The following AFF4 variants were observed in gnomAD, a reference collection of about 807,000 sequenced individuals.
AFF4 encodes the protein AF4/FMR2 family member 4.
In AFF4, 13 loss-of-function variants were observed where a neutral mutation model predicts 124.8. The ratio of observed to expected loss-of-function variants is 0.10; its 90% confidence interval spans 0.07 to 0.17. AFF4 has a LOEUF of 0.17. AFF4 is among the 10% of genes least tolerant of loss of function. The probability of loss-of-function intolerance (pLI) is 1.00; values close to 1 mark genes in which losing one functional copy is unlikely to be tolerated. For missense variants in AFF4, 1,092 were observed against 1,403.8 expected (o/e 0.78, Z 3.55); for synonymous variants, 477 against 496.1 (o/e 0.96, Z 0.51).
chr5:132,919,525 T>A (rs1760990630), intron 5 of AFF4, among the ~76,000 whole-genome samples: 1 of 152,108 alleles, frequency 6.6e-6, no homozygotes, highest in African/African-American at 2.4e-5. Flanking sequence ...AGATAAATCA[T>A]AGATCTAAAT....
chr5:132,924,063 G>A lies in AFF4; in HGVS notation c.1050+3058C>T, dbSNP rs181682217. The stretch of plus-strand genomic sequence containing the variant: ...GAGGTCGGGAGTTTGAGACCAGCCT[G>A]ACCAGCATGATGAAACCCCGTCTCT... On this transcript the variant is annotated intron_variant, in intron 5 of 20. Transcript: ENST00000265343. 4.4e-3 allele frequency among the ~76,000 whole-genome samples: 669 copies of A among 152,208 alleles called. 5 individuals carry two copies. Among genetic ancestry groups the A allele is most frequent in the Non-Finnish European group, 7.2e-3 (487 of 68,018 alleles).
intron 13 of AFF4, among the ~76,000 whole-genome samples, chr5:132,890,977 C>A (rs12163971): frequency 0.12 from 17,462 of 151,212 alleles, 1,268 homozygotes; most frequent in South Asian, 0.2. Context: ...AGCAGGAGAG[C>A]TCACTTATTT....
intron 5 of AFF4, among the ~76,000 whole-genome samples, chr5:132,912,121 G>C (rs1431878481): frequency 6.6e-6 from 1 of 150,542 alleles, no homozygotes; most frequent in African/African-American, 2.5e-5. Context: ...GGGAGGTGGA[G>C]GTTGGCGGAT....
At position 132,880,952 on chromosome 5, in the gene AFF4, C is replaced by G. The variant is rs139233793; in HGVS notation, c.*107G>C. 53 of 1,392,996 alleles carry G rather than the reference C, an allele frequency of 3.8e-5. No individual in the cohort carries two copies. In the East Asian group the frequency reaches 1.2e-3, roughly 31 times the overall value. 86.3% of individuals were successfully genotyped at this position (1,392,996 alleles called of 1,614,324 possible). On this transcript the variant is annotated 3_prime_UTR_variant, in exon 21 of 21. Coordinates refer to ENST00000265343, the MANE Select transcript of AFF4 (RefSeq NM_014423.4). Reference sequence around the variant, plus strand: ...AACACATGAACCAACGAGGAGAAAACTATTCCTCATTCTTAGTGTCGACTA... The same window carrying G: ...AACACATGAACCAACGAGGAGAAAAGTATTCCTCATTCTTAGTGTCGACTA...
At chr5:132,954,546 C>CTTTTTTT (rs1204231856) in intron 1 of AFF4, among the ~76,000 whole-genome samples, 9,892 of 121,338 alleles carry the variant, frequency 0.082, 586 homozygotes, top group Non-Finnish European at 0.12. Context: ...AAACAATGCT[C>CTTTTTTT]TTTTTTTTTT....
At chr5:132,916,954 CTT>C (rs1760927095) in intron 5 of AFF4, among the ~76,000 whole-genome samples, 1 of 151,932 alleles carries the variant, frequency 6.6e-6, no homozygotes, top group Non-Finnish European at 1.5e-5. Flanking sequence ...GAGTTTCGCT[CTT>C]GTTGCCCAGG....
Position 132,896,549 on chromosome 5 carries a change from G to A in AFF4, c.2081C>T (p.Ser694Phe), listed in dbSNP as rs1190300872. 1 of 1,614,100 alleles carries A rather than the reference G, an allele frequency of 6.2e-7. No homozygotes were observed. The highest frequency in any genetic ancestry group is 1.1e-5 in the South Asian group (1 of 91,066). ...EDSFFRQRMF[S>F]PMEEKELLSP... Reference sequence around the variant, plus strand: ...AAGAAGTTCCTTCTCTTCCATAGGAGAGAACATTCGTTGCCGAAAAAAGCT... The same window carrying A: ...AAGAAGTTCCTTCTCTTCCATAGGAAAGAACATTCGTTGCCGAAAAAAGCT... Residue 694 changes from serine (S) to phenylalanine (F), a missense_variant, in exon 11 of 21, where the codon TCT (serine) becomes TTT (phenylalanine). Physicochemically the swap from Ser to Phe is radical, Grantham distance 155 (BLOSUM62 -2). This residue lies in a region of AFF4 where 293 missense variants were observed against 280.2 expected (regional missense o/e 1.05). Transcript: ENST00000265343.
intron 1 of AFF4, among the ~76,000 whole-genome samples, chr5:132,941,415 C>A (rs1761565840): frequency 6.6e-6 from 1 of 152,070 alleles, no homozygotes; most frequent in Non-Finnish European, 1.5e-5. Context: ...CTCACTGCAA[C>A]CTCAGACTCC....
chr5:132,895,356 CTG>C (rs745810042), intron 11 of AFF4, among the ~76,000 whole-genome samples: 2 of 152,136 alleles, frequency 1.3e-5, no homozygotes, highest in Non-Finnish European at 2.9e-5. Context: ...GCACGTGGCA[CTG>C]TGGTTTTATG....
chr5:132,887,880 A>G lies in AFF4; in HGVS notation c.2899T>C (p.Phe967Leu). ...TCCACCGTCTCTGAATACATAGGGA[A>G]TGGGGATTTGGATTCCTGAGCATTC... The part of the protein sequence containing the change: ...EKNAQESKSP[F>L]PMYSETVDLI... Residue 967 changes from phenylalanine (F) to leucine (L), a missense_variant, in exon 16 of 21, where the codon TTC becomes CTC. Phe to Leu is a conservative substitution (Grantham distance 22). This residue lies in a region of AFF4 where 173 missense variants were observed against 294.9 expected (regional missense o/e 0.59). Coordinates refer to ENST00000265343, the MANE Select transcript of AFF4 (RefSeq NM_014423.4). The G allele has an allele frequency of 6.2e-7, 1 of 1,613,936 alleles. No homozygotes were observed. The highest frequency in any genetic ancestry group is 8.5e-7 in the Non-Finnish European group (1 of 1,179,948).
At chr5:132,918,888 G>GT (rs34475797) in intron 5 of AFF4, among the ~76,000 whole-genome samples, 4,863 of 138,648 alleles carry the variant, frequency 0.035, 225 homozygotes, top group African/African-American at 0.11. Context: ...TTGTTTGTTT[G>GT]TTTTTTTTTT....
intron 5 of AFF4, chr5:132,926,203 A>G (rs762113500): frequency 2.1e-6 from 1 of 480,728 alleles, no homozygotes; most frequent in Non-Finnish European, 4.1e-6. Flanking sequence ...TATAAAAAAG[A>G]CTTGCAAAGG....
chr5:132,937,142 C>T lies in AFF4; in HGVS notation c.48G>A (p.Arg16=). 1 of 1,613,968 alleles carries T rather than the reference C, an allele frequency of 6.2e-7. No homozygotes were observed. The highest frequency in any genetic ancestry group is 8.5e-7 in the Non-Finnish European group (1 of 1,179,932). The part of the protein sequence containing the change: ...RNVLRMKERE[R]RNQEIQQGED... Reference sequence around the variant, plus strand: ...CGCCCTGCTGAATTTCCTGATTCCGCCTTTCCCGTTCTTTCATACGCAGCA... The same window carrying T: ...CGCCCTGCTGAATTTCCTGATTCCGTCTTTCCCGTTCTTTCATACGCAGCA... The change falls in exon 2 of 21, where the codon AGG becomes AGA. Residue 16 remains arginine, a synonymous_variant. Coordinates refer to ENST00000265343, the MANE Select transcript of AFF4 (RefSeq NM_014423.4).
intron 2 of AFF4, 41 bp from the exon 3 acceptor site, chr5:132,934,982 T>C (rs984287310): frequency 7.1e-7 from 1 of 1,398,628 alleles, no homozygotes; most frequent in Non-Finnish European, 9.5e-7. Context: ...AAAATGAGCA[T>C]AATCAGAAAT....
chr5:132,947,459 CA>C (rs759541713), intron 1 of AFF4, among the ~76,000 whole-genome samples: 7 of 152,100 alleles, frequency 4.6e-5, no homozygotes, highest in African/African-American at 9.7e-5. Flanking sequence ...ATCCCCCATT[CA>C]AGTGGAGGTC....
At chr5:132,946,253 A>G (rs1053899525) in intron 1 of AFF4, among the ~76,000 whole-genome samples, 1 of 152,220 alleles carries the variant, frequency 6.6e-6, no homozygotes, top group African/African-American at 2.4e-5. Flanking sequence ...ATGGATTGGC[A>G]GTTCCTCAAA....
intron 5 of AFF4, among the ~76,000 whole-genome samples, chr5:132,906,093 T>G (rs553232327): frequency 6.6e-6 from 1 of 152,310 alleles, no homozygotes; most frequent in East Asian, 1.9e-4. Context: ...ACCACTAGGA[T>G]GACTAGAATC....
intron 1 of AFF4, among the ~76,000 whole-genome samples, chr5:132,962,285 T>C (rs752897385): frequency 4.6e-5 from 7 of 152,200 alleles, no homozygotes; most frequent in Non-Finnish European, 1.0e-4. Flanking sequence ...TACAGTCTAT[T>C]CACAGACACC....
At chr5:132,912,565 T>C (rs1331660146) in intron 5 of AFF4, among the ~76,000 whole-genome samples, 1 of 152,054 alleles carries the variant, frequency 6.6e-6, no homozygotes, top group Non-Finnish European at 1.5e-5. Flanking sequence ...CTCACTATGT[T>C]GCCAAGGCTG....
Sources: allele counts gnomAD v4.1 joint callset (sites outside exome capture counted in the v4.1 genomes callset), GRCh38; gene constraint gnomAD v4.1.1; regional missense constraint gnomAD v4.1.1; transcripts MANE v1.5; gene names NCBI Gene and HGNC (gene_info 2026-07-23, HGNC 2026-07-21).